BORCS5: variants seen among roughly 807,000 people sequenced by gnomAD.
BORCS5 encodes BLOC-1 related complex subunit 5, also known as BLOC-1-related complex subunit 5.
In BORCS5, 17 loss-of-function variants were observed where a neutral mutation model predicts 22.1. The observed-to-expected ratio is 0.77, with a 90% confidence interval of 0.53 to 1.15. The LOEUF is 1.15. Among genes scored for constraint, BORCS5 ranks in the 50% most tolerant of loss-of-function variants. The pLI is 0.00. For synonymous variants in BORCS5, 117 were observed against 99.8 expected (o/e 1.17, Z -1.03); for missense variants, 247 against 253.2 (o/e 0.98, Z 0.17).
chr12:12,357,290 C>G lies in BORCS5; in HGVS notation c.-162C>G. The stretch of plus-strand genomic sequence containing the variant: ...CTCTCCTTCTCCCGCCGCCCAGGCC[C>G]CTGCGTGGGCTGGACGCGTCAGCCC... On this transcript the variant is annotated 5_prime_UTR_variant, in exon 1 of 4. Transcript: ENST00000314565. 3 of 1,455,716 alleles carry G rather than the reference C, an allele frequency of 2.1e-6. No individual in the cohort carries two copies. The highest frequency in any genetic ancestry group is 1.8e-6 in the Non-Finnish European group (2 of 1,104,014). The allele number at this position is 1,455,716 out of a possible 1,614,324, so 90.2% of individuals were successfully genotyped here. A position where few individuals can be genotyped will look rare whatever the true frequency, so the allele number is the denominator to read the frequency against.
chr12:12,463,698 C>G (rs971638131), intron 3 of BORCS5, among the ~76,000 whole-genome samples: 1 of 152,136 alleles, frequency 6.6e-6, no homozygotes, highest in African/African-American at 2.4e-5. Context: ...TTTACAAAAG[C>G]TTTGGAGACA....
chr12:12,463,549 T>A (rs1312366974), intron 3 of BORCS5, among the ~76,000 whole-genome samples: 1 of 152,194 alleles, frequency 6.6e-6, no homozygotes, highest in Non-Finnish European at 1.5e-5. Flanking sequence ...CTGTGAGATC[T>A]TCAAAGTCAC....
intron 2 of BORCS5, among the ~76,000 whole-genome samples, chr12:12,398,792 C>T (rs777708101): frequency 1.3e-5 from 2 of 152,152 alleles, no homozygotes; most frequent in African/African-American, 2.4e-5. Context: ...GCAGCCCAAT[C>T]GATAGCTGAT....
chr12:12,422,883 A>G (rs935288305), intron 2 of BORCS5, among the ~76,000 whole-genome samples: 1 of 150,666 alleles, frequency 6.6e-6, no homozygotes, highest in African/African-American at 2.4e-5. Flanking sequence ...TTTTTAATGT[A>G]TCAGTCTCTT....
At chr12:12,369,506 C>G in intron 2 of BORCS5, among the ~76,000 whole-genome samples, 1 of 147,846 alleles carries the variant, frequency 6.8e-6, no homozygotes, top group Non-Finnish European at 1.5e-5. Context: ...CCTTGCATTA[C>G]AAAAATTTTT....
At chr12:12,425,016 C>T (rs11054901) in intron 2 of BORCS5, among the ~76,000 whole-genome samples, 10,050 of 152,182 alleles carry the variant, frequency 0.066, 418 homozygotes, top group Middle Eastern at 0.11. Flanking sequence ...CAGTGATTAC[C>T]GTCTGTGTCT....
chr12:12,430,579 A>G (rs1464419472), intron 2 of BORCS5, among the ~76,000 whole-genome samples: 1 of 152,170 alleles, frequency 6.6e-6, no homozygotes. Flanking sequence ...GTTCTTACTC[A>G]TAGATGAGGA....
At chr12:12,436,659 A>G (rs1298539563) in intron 3 of BORCS5, among the ~76,000 whole-genome samples, 2 of 152,222 alleles carry the variant, frequency 1.3e-5, no homozygotes, top group South Asian at 2.1e-4. Context: ...ACATGGAGAA[A>G]CAAGTGATGG....
Position 12,437,597 on chromosome 12 carries a change from G to A in BORCS5, c.360+1812G>A, listed in dbSNP as rs773299431. 5.3e-5 allele frequency among the ~76,000 whole-genome samples: 8 copies of A among 152,146 alleles called. No homozygotes were observed. In the East Asian group the frequency reaches 5.8e-4, roughly 11 times the overall value. The stretch of plus-strand genomic sequence containing the variant: ...ACCACCCCTTGGAAAGTCACAAAGC[G>A]TATTATCTCACTTAAAGTTCTTAGG... On this transcript the variant is annotated intron_variant, in intron 3 of 3. Transcript: ENST00000314565.
chr12:12,435,013 A>C (rs1056324575), intron 2 of BORCS5, among the ~76,000 whole-genome samples: 1 of 152,208 alleles, frequency 6.6e-6, no homozygotes, highest in Admixed American at 6.5e-5. Context: ...ATAATCCCCT[A>C]TGCAAATACA....
Position 12,388,573 on chromosome 12 carries a change from T to C in BORCS5, c.202+27224T>C, listed in dbSNP as rs140059707. 9.6e-4 allele frequency among the ~76,000 whole-genome samples: 144 copies of C among 150,404 alleles called. 6 individuals are homozygous for C. The East Asian group carries it at 0.022, about 23-fold the overall frequency. ...GATAAGTATATTATTAATGAAACAA[T>C]TGTGTTAGTGTTCCATAATTATACA... On this transcript the variant is annotated intron_variant, in intron 2 of 3. Transcript: ENST00000314565.
intron 2 of BORCS5, among the ~76,000 whole-genome samples, chr12:12,426,756 A>G (rs548221823): frequency 6.6e-6 from 1 of 152,360 alleles, no homozygotes; most frequent in South Asian, 2.1e-4. Flanking sequence ...TTGAGGCTCA[A>G]AGATGTAAGA....
chr12:12,459,740 A>G (rs935936467), intron 3 of BORCS5, among the ~76,000 whole-genome samples: 4 of 152,224 alleles, frequency 2.6e-5, no homozygotes, highest in Non-Finnish European at 5.9e-5. Context: ...CTCCAGGTTC[A>G]TTCTTTCTCT....
At chr12:12,361,103 A>T in intron 1 of BORCS5, 103 bp from the exon 2 acceptor site, 2 of 1,175,040 alleles carry the variant, frequency 1.7e-6, no homozygotes, top group Non-Finnish European at 2.5e-6. Flanking sequence ...CAAGATAGCT[A>T]CATTTTATAA....
chr12:12,428,099 G>T (rs1387355885), intron 2 of BORCS5, among the ~76,000 whole-genome samples: 2 of 152,190 alleles, frequency 1.3e-5, no homozygotes, highest in Non-Finnish European at 2.9e-5. Flanking sequence ...AGTAAATGGA[G>T]CTCGTTATGT....
chr12:12,460,055 T>C (rs1333189930), intron 3 of BORCS5, among the ~76,000 whole-genome samples: 2 of 152,200 alleles, frequency 1.3e-5, no homozygotes, highest in Non-Finnish European at 2.9e-5. Context: ...AAACAATGCC[T>C]TCTAGACTTT....
At chr12:12,443,778 G>A (rs77558984) in intron 3 of BORCS5, among the ~76,000 whole-genome samples, 1,650 of 152,286 alleles carry the variant, frequency 0.011, 28 homozygotes, top group African/African-American at 0.037. Flanking sequence ...CCCCCAGTTT[G>A]CCTGCCCTAG....
At chr12:12,417,577 A>G (rs10845534) in intron 2 of BORCS5, among the ~76,000 whole-genome samples, 40,891 of 151,972 alleles carry the variant, frequency 0.27, 6,603 homozygotes, top group Non-Finnish European at 0.36. Context: ...GCTATTATTG[A>G]AGTATTTTTC....
chr12:12,466,099 T>G lies in BORCS5; in HGVS notation c.*323T>G. 3 of 223,046 alleles carry G rather than the reference T, an allele frequency of 1.3e-5. No individual in the cohort carries two copies. The highest frequency in any genetic ancestry group is 2.6e-5 in the Non-Finnish European group (3 of 114,248). The allele number at this position is 223,046 out of a possible 1,614,324, so 13.8% of individuals were successfully genotyped here. On this transcript the variant is annotated 3_prime_UTR_variant, in exon 4 of 4. Coordinates refer to ENST00000314565, the MANE Select transcript of BORCS5 (RefSeq NM_058169.6). ...TTTTTTTTTAATTGAGAGTATATAG[T>G]CCAGTCCAGGTACCGGAATAAAAAT... is the stretch of plus-strand genomic sequence containing the variant.
Sources: allele counts gnomAD v4.1 joint callset (sites outside exome capture counted in the v4.1 genomes callset), GRCh38; gene constraint gnomAD v4.1.1; transcripts MANE v1.5; gene names NCBI Gene and HGNC (gene_info 2026-07-23, HGNC 2026-07-21).